The following MROH7 variants were observed in gnomAD, a reference collection of about 807,000 sequenced individuals.
The protein encoded by MROH7 is maestro heat-like repeat-containing protein family member 7.
A neutral mutation model predicts 129.2 loss-of-function variants in MROH7; 113 were observed. The observed-to-expected ratio is 0.87, with a 90% CI of 0.75 to 1.02. MROH7 has a LOEUF of 1.02. Among genes scored for constraint, MROH7 ranks in the 50% least tolerant of loss-of-function variants. MROH7 has a pLI of 0.00. For missense variants in MROH7, 1,601 were observed against 1,671.3 expected, an observed-to-expected ratio of 0.96 and a Z score of 0.73; for synonymous variants, 655 against 667.9, an observed-to-expected ratio of 0.98 and a Z score of 0.30.
rs78590142 is a variant in MROH7, at chr1:54,690,050, C to T, written c.2712-2374C>T. On this transcript the variant is annotated intron_variant, in intron 15 of 23. Transcript: ENST00000421030. Reference sequence around the variant, plus strand: ...AATCATTGGCTCTGGTGTCCCAGTGCAGGGACAGAGAATAAATATTTCAAG... The same window carrying T: ...AATCATTGGCTCTGGTGTCCCAGTGTAGGGACAGAGAATAAATATTTCAAG... 7.5e-3 allele frequency among the ~76,000 whole-genome samples: 1,123 copies of T among 150,276 alleles called. 7 individuals carry two copies. The highest frequency in any genetic ancestry group is 0.013 in the Non-Finnish European group (898 of 68,020).
intron 13 of MROH7, among the ~76,000 whole-genome samples, chr1:54,680,497 T>C (rs1645052419): frequency 6.6e-6 from 1 of 152,002 alleles, no homozygotes; most frequent in African/African-American, 2.4e-5. Context: ...AAGAAGGAAA[T>C]GATCCCTGCA....
intron 15 of MROH7, among the ~76,000 whole-genome samples, 167 bp from the exon 16 acceptor site, chr1:54,692,257 A>G (rs1645251773): frequency 1.3e-5 from 2 of 152,116 alleles, no homozygotes; most frequent in African/African-American, 4.8e-5. Flanking sequence ...TCTAAAAGCT[A>G]ATGATTATTT....
intron 10 of MROH7, 110 bp downstream of exon 10, chr1:54,674,261 G>C (rs1018638294): frequency 4.7e-6 from 6 of 1,284,746 alleles, no homozygotes; most frequent in African/African-American, 4.4e-5. Flanking sequence ...TGGGAGATGG[G>C]GGAAACCAGC....
chr1:54,665,175 G>C lies in MROH7; in HGVS notation c.1240G>C (p.Asp414His). ...TLQGIPEGAF[D>H]EVTSCLVKVP... The stretch of plus-strand genomic sequence containing the variant: ...GAAATCGTGCCCTGCAGGAGCCTTT[G>C]ATGAAGTGACCTCATGCCTGGTGAA... The change falls in exon 4 of 24, where the codon GAT (aspartate) becomes CAT (histidine). Residue 414 changes from aspartate to histidine, a missense_variant. By Grantham distance (81) the Asp-to-His change is moderately conservative (BLOSUM62 -1). Transcript: ENST00000421030. 6.2e-7 allele frequency: 1 copy of C among 1,613,864 alleles called. No homozygotes were observed. The highest frequency in any genetic ancestry group is 8.5e-7 in the Non-Finnish European group (1 of 1,179,852).
At chr1:54,700,286 T>C (rs1227146429) in intron 17 of MROH7, 35 bp from the exon 18 acceptor site, 2 of 1,613,652 alleles carry the variant, frequency 1.2e-6, no homozygotes, top group Non-Finnish European at 1.7e-6. Context: ...CCTGCCCCCC[T>C]CAGCCTGGGA....
intron 22 of MROH7, 54 bp downstream of exon 22, chr1:54,706,591 G>C (rs1645538270): frequency 7.2e-7 from 1 of 1,385,232 alleles, no homozygotes; most frequent in African/African-American, 1.4e-5. Context: ...CTGCTCTCCA[G>C]TTTGTTTCCT....
intron 18 of MROH7, 66 bp from the exon 19 acceptor site, chr1:54,701,077 G>C: frequency 6.5e-7 from 1 of 1,549,056 alleles, no homozygotes; most frequent in Non-Finnish European, 8.9e-7. Flanking sequence ...GTGAATCAGA[G>C]GCTGGGTCTC....
At chr1:54,687,206 T>G (rs1645162675) in intron 15 of MROH7, among the ~76,000 whole-genome samples, 1 of 152,284 alleles carries the variant, frequency 6.6e-6, no homozygotes, top group East Asian at 1.9e-4. Flanking sequence ...CCCGAGTAGC[T>G]GGGATTACCA....
intron 10 of MROH7, among the ~76,000 whole-genome samples, chr1:54,678,157 A>G (rs1351529835): frequency 6.6e-6 from 1 of 152,212 alleles, no homozygotes; most frequent in East Asian, 1.9e-4. Context: ...TATCTTCTGT[A>G]GCCGAACCTA....
In MROH7 at chr1:54,673,002, C is replaced by T. The variant is rs1158214092; in HGVS notation, c.1600-89C>T. 14 of 859,392 alleles carry T rather than the reference C, an allele frequency of 1.6e-5. No individual in the cohort carries two copies. The South Asian group carries it at 1.7e-4, about 11-fold the overall frequency. 53.2% of individuals were successfully genotyped at this position (859,392 alleles called of 1,614,324 possible). On this transcript the variant is annotated intron_variant, in intron 7 of 23. Transcript: ENST00000421030. ...GCAGCTTTCCTGGGTCTTAATTCCC[C>T]CTCCTCCCCTGACCTACACCAGGGG...
intron 3 of MROH7, among the ~76,000 whole-genome samples, chr1:54,657,982 T>C (rs1644674618): frequency 1.3e-5 from 2 of 152,112 alleles, no homozygotes; most frequent in African/African-American, 4.8e-5. Context: ...AGTGAACAGT[T>C]TAATACAGTG....
At chr1:54,670,757 C>A in intron 6 of MROH7, 43 bp from the exon 7 acceptor site, 1 of 1,588,676 alleles carries the variant, frequency 6.3e-7, no homozygotes, top group Non-Finnish European at 8.6e-7. Flanking sequence ...AGCCATAGGG[C>A]CCCTCTCTCA....
At chr1:54,699,500 T>C (rs1472181593) in intron 17 of MROH7, 1 of 152,076 alleles carries the variant, frequency 6.6e-6, no homozygotes, top group Non-Finnish European at 1.5e-5. Context: ...GGTTTCACCA[T>C]GTTGCCCAGG....
At chr1:54,693,834 A>G (rs1213034264) in intron 16 of MROH7, among the ~76,000 whole-genome samples, 1 of 152,224 alleles carries the variant, frequency 6.6e-6, no homozygotes, top group Admixed American at 6.5e-5. Context: ...GATCTGTCAC[A>G]TGCATGATCC....
At chr1:54,690,949 T>C (rs925742456) in intron 15 of MROH7, among the ~76,000 whole-genome samples, 1 of 152,104 alleles carries the variant, frequency 6.6e-6, no homozygotes, top group Non-Finnish European at 1.5e-5. Context: ...GGGAGGGTGG[T>C]CCAGTCACCG....
At chr1:54,656,874 G>A (rs1644657231) in intron 3 of MROH7, among the ~76,000 whole-genome samples, 1 of 151,694 alleles carries the variant, frequency 6.6e-6, no homozygotes, top group South Asian at 2.1e-4. Flanking sequence ...TTTTAATTGT[G>A]GTAAAATATA....
intron 10 of MROH7, among the ~76,000 whole-genome samples, chr1:54,675,398 C>G (rs1334192380): frequency 4.6e-5 from 7 of 152,148 alleles, no homozygotes; most frequent in South Asian, 2.1e-4. Context: ...TCCCTTCAAG[C>G]TTTTGGGATT....
intron 7 of MROH7, 57 bp downstream of exon 7, chr1:54,670,986 T>G: frequency 6.6e-7 from 1 of 1,524,774 alleles, no homozygotes; most frequent in Non-Finnish European, 8.8e-7. Flanking sequence ...TGGGAGGAGA[T>G]ATGGAGCTGC....
chr1:54,689,855 A>G (rs968066598), intron 15 of MROH7, among the ~76,000 whole-genome samples: 1 of 152,186 alleles, frequency 6.6e-6, no homozygotes, highest in African/African-American at 2.4e-5. Context: ...CCAAAAAAAT[A>G]AAAAATTAGC....
Sources: gnomAD v4.1 joint callset for allele counts (sites outside exome capture counted in the v4.1 genomes callset) on GRCh38, gnomAD v4.1.1 for gene constraint, MANE v1.5 for transcripts, NCBI Gene and HGNC (gene_info 2026-07-23, HGNC 2026-07-21) for gene names.